The following EIF3H variants were observed in gnomAD, a reference collection of about 807,000 sequenced individuals.
EIF3H encodes eukaryotic translation initiation factor 3 subunit H.
EIF3H carries 26 observed loss-of-function variants against 44.2 expected under a neutral mutation model. The observed-to-expected ratio is 0.59, with a 90% CI of 0.43 to 0.82. EIF3H has a LOEUF of 0.82. EIF3H is among the 40% of genes least tolerant of loss of function. The probability of loss-of-function intolerance (pLI) is 0.00; values close to 1 mark genes in which losing one functional copy is unlikely to be tolerated. For missense variants in EIF3H, 359 were observed against 432.8 expected (o/e 0.83, Z 1.51); for synonymous variants, 166 against 151.9 (o/e 1.09, Z -0.68).
intron 2 of EIF3H, among the ~76,000 whole-genome samples, chr8:116,697,979 T>C (rs1273399417): frequency 6.6e-6 from 1 of 152,238 alleles, no homozygotes; most frequent in East Asian, 1.9e-4. Context: ...AGGCAGGCAC[T>C]GCCTTAATGT....
intron 1 of EIF3H, among the ~76,000 whole-genome samples, chr8:116,748,710 T>C (rs570405430): frequency 3.9e-5 from 6 of 152,272 alleles, no homozygotes; most frequent in Admixed American, 1.3e-4. Flanking sequence ...AAGCAACAAG[T>C]AAAAAGAGTT....
chr8:116,711,778 G>T (rs1314551278), intron 2 of EIF3H, among the ~76,000 whole-genome samples: 1 of 152,124 alleles, frequency 6.6e-6, no homozygotes, highest in African/African-American at 2.4e-5. Context: ...GCATATTAAT[G>T]TAACATTCAC....
chr8:116,730,613 T>C (rs1399135909), intron 1 of EIF3H, among the ~76,000 whole-genome samples: 2 of 152,176 alleles, frequency 1.3e-5, no homozygotes, highest in African/African-American at 4.8e-5. Flanking sequence ...GAATTTGCCA[T>C]GTATATATAT....
chr8:116,722,772 C>T (rs532987196), intron 2 of EIF3H, among the ~76,000 whole-genome samples: 73 of 152,222 alleles, frequency 4.8e-4, no homozygotes, highest in African/African-American at 1.7e-3. Context: ...TCTACTCTCG[C>T]GAAGTCTACC....
At chr8:116,754,285 G>T (rs1001482897) in intron 1 of EIF3H, among the ~76,000 whole-genome samples, 3 of 152,032 alleles carry the variant, frequency 2.0e-5, no homozygotes, top group Admixed American at 6.6e-5. Flanking sequence ...GGCTAATTTT[G>T]TGTTTTTAGT....
At chr8:116,654,903 T>C (rs899448444) in intron 5 of EIF3H, among the ~76,000 whole-genome samples, 12 of 110,802 alleles carry the variant, frequency 1.1e-4, no homozygotes, top group African/African-American at 2.8e-4. Context: ...ACAAAGTCTG[T>C]ACACTTTTTT....
rs754604478 is a variant in EIF3H, at chr8:116,737,683, T to A, written c.133-11511A>T. On this transcript the variant is annotated intron_variant, in intron 1 of 7. Transcript: ENST00000521861. ...AAAAAAATAAAAAATAAAAAAATTT[T>A]AAAAAAAATTAATAGTAATAAAAAC... 376 of 152,790 alleles carry A rather than the reference T, an allele frequency of 2.5e-3. 1 individual carries two copies. The highest frequency in any genetic ancestry group is 5.6e-3 in the African/African-American group (230 of 41,274). The allele number at this position is 152,790 out of a possible 1,614,324, so 9.5% of individuals were successfully genotyped here.
chr8:116,732,566 T>C (rs890838676), intron 1 of EIF3H, among the ~76,000 whole-genome samples: 3 of 152,246 alleles, frequency 2.0e-5, no homozygotes. Flanking sequence ...TCAAACATAA[T>C]GTCTGCATAG....
At chr8:116,752,448 C>T (rs1563662763) in intron 1 of EIF3H, among the ~76,000 whole-genome samples, 2 of 151,828 alleles carry the variant, frequency 1.3e-5, no homozygotes, top group Admixed American at 6.6e-5. Context: ...ACTTTAAATA[C>T]CTCGGAATTT....
intron 1 of EIF3H, among the ~76,000 whole-genome samples, chr8:116,733,359 T>A (rs1814982557): frequency 6.6e-6 from 1 of 152,164 alleles, no homozygotes; most frequent in South Asian, 2.1e-4. Flanking sequence ...CTACCCTCTT[T>A]CCCAGAGGTC....
chr8:116,692,981 G>A (rs1193077117), intron 2 of EIF3H, among the ~76,000 whole-genome samples: 1 of 152,026 alleles, frequency 6.6e-6, no homozygotes, highest in Non-Finnish European at 1.5e-5. Context: ...GAATAAAATG[G>A]AATTAATTTA....
At chr8:116,762,694 G>A (rs1454930413) in intron 1 of EIF3H, among the ~76,000 whole-genome samples, 1 of 152,210 alleles carries the variant, frequency 6.6e-6, no homozygotes, top group Non-Finnish European at 1.5e-5. Context: ...AGCACTTTGG[G>A]AGGCCAAGGT....
At chr8:116,691,992 T>G (rs1814184770) in intron 2 of EIF3H, among the ~76,000 whole-genome samples, 1 of 152,212 alleles carries the variant, frequency 6.6e-6, no homozygotes, top group African/African-American at 2.4e-5. Flanking sequence ...TTCTGATAGC[T>G]TGTGCAAACA....
chr8:116,687,222 T>C (rs1411181418), intron 2 of EIF3H, among the ~76,000 whole-genome samples: 1 of 152,176 alleles, frequency 6.6e-6, no homozygotes, highest in Non-Finnish European at 1.5e-5. Context: ...AAGCAAGAAC[T>C]GTATGTGTTA....
At chr8:116,686,804 TA>T (rs1263605269) in intron 2 of EIF3H, among the ~76,000 whole-genome samples, 1 of 151,854 alleles carries the variant, frequency 6.6e-6, no homozygotes, top group Non-Finnish European at 1.5e-5. Context: ...AAATAAAAAA[TA>T]AAAAGTGAAA....
intron 2 of EIF3H, among the ~76,000 whole-genome samples, chr8:116,720,944 A>T (rs1350617100): frequency 6.6e-6 from 1 of 152,066 alleles, no homozygotes; most frequent in Non-Finnish European, 1.5e-5. Context: ...AAGTTTGGAA[A>T]ATTTGCAGCC....
intron 2 of EIF3H, among the ~76,000 whole-genome samples, chr8:116,666,816 A>G (rs2130808850): frequency 6.7e-6 from 1 of 150,252 alleles, no homozygotes; most frequent in South Asian, 2.1e-4. Flanking sequence ...GACAAGTAAC[A>G]CCTCTTGTCA....
chr8:116,666,105 GACACT>G (rs2130807231), intron 2 of EIF3H, among the ~76,000 whole-genome samples: 1 of 152,232 alleles, frequency 6.6e-6, no homozygotes, highest in Non-Finnish European at 1.5e-5. Context: ...ATTCTACCTA[GACACT>G]AATCTGTTGT....
chr8:116,679,443 G>A (rs1586451081), intron 2 of EIF3H, among the ~76,000 whole-genome samples: 2 of 47,566 alleles, frequency 4.2e-5, no homozygotes, highest in Non-Finnish European at 6.7e-5. Flanking sequence ...CAGCCGCCCC[G>A]TCCGGGAGGT....
Sources: allele counts gnomAD v4.1 joint callset (sites outside exome capture counted in the v4.1 genomes callset), GRCh38; gene constraint gnomAD v4.1.1; transcripts MANE v1.5; gene names NCBI Gene and HGNC (gene_info 2026-07-23, HGNC 2026-07-21).